The following PCLO variants were observed in gnomAD, a reference collection of about 807,000 sequenced individuals.
PCLO encodes protein piccolo.
PCLO carries 82 observed loss-of-function variants against 427.5 expected under a neutral mutation model. That is an observed-to-expected ratio of 0.19 (90% CI 0.16 to 0.23). The LOEUF is 0.23. Among genes scored for constraint, PCLO ranks in the 10% least tolerant of loss-of-function variants. The pLI is 1.00. For missense variants in PCLO, 6,239 were observed against 6,115.9 expected (o/e 1.02, Z -0.67); for synonymous variants, 2,357 against 2,155.4 (o/e 1.09, Z -2.59).
chr7:83,022,833 C>G (rs935897001), intron 3 of PCLO, among the ~76,000 whole-genome samples: 10 of 152,108 alleles, frequency 6.6e-5, no homozygotes, highest in Non-Finnish European at 1.3e-4. Context: ...AAAAAACTAT[C>G]TGAAAGCCTG....
intron 6 of PCLO, among the ~76,000 whole-genome samples, chr7:82,925,547 A>G (rs536538353): frequency 2.0e-5 from 3 of 152,060 alleles, no homozygotes; most frequent in Non-Finnish European, 4.4e-5. Context: ...TCACAGTTAA[A>G]TATAGAAATA....
chr7:83,076,282 T>A (rs1413246175), intron 3 of PCLO, among the ~76,000 whole-genome samples: 1 of 152,132 alleles, frequency 6.6e-6, no homozygotes, highest in Non-Finnish European at 1.5e-5. Flanking sequence ...ACTTCTTTTT[T>A]TTTTTGAGAT....
intron 22 of PCLO, among the ~76,000 whole-genome samples, chr7:82,791,843 T>TA (rs1429101704): frequency 1.3e-5 from 2 of 152,022 alleles, no homozygotes; most frequent in African/African-American, 2.4e-5. Context: ...TAATAAATTT[T>TA]AAAAAATTTT....
intron 6 of PCLO, among the ~76,000 whole-genome samples, chr7:82,939,540 A>G (rs1258788539): frequency 1.3e-5 from 2 of 151,490 alleles, no homozygotes; most frequent in African/African-American, 4.8e-5. Flanking sequence ...GTGTAGAAAT[A>G]TATGTATTTT....
At chr7:82,899,605 G>C (rs1463526656) in intron 9 of PCLO, among the ~76,000 whole-genome samples, 1 of 151,152 alleles carries the variant, frequency 6.6e-6, no homozygotes, top group African/African-American at 2.4e-5. Context: ...CAAGAAAAAG[G>C]GGCATTCAGA....
chr7:83,112,369 T>G (rs183522270), intron 3 of PCLO, among the ~76,000 whole-genome samples: 1 of 152,304 alleles, frequency 6.6e-6, no homozygotes, highest in Non-Finnish European at 1.5e-5. Context: ...TTGTATTTTT[T>G]TAAGAACGGG....
chr7:82,903,460 C>A (rs1163260364), intron 8 of PCLO, among the ~76,000 whole-genome samples: 1 of 151,952 alleles, frequency 6.6e-6, no homozygotes, highest in African/African-American at 2.4e-5. Context: ...GATTTCAATT[C>A]TCATTATTGA....
intron 6 of PCLO, among the ~76,000 whole-genome samples, chr7:82,922,195 T>TA (rs1176626111): frequency 4.6e-5 from 7 of 151,496 alleles, no homozygotes; most frequent in Admixed American, 2.0e-4. Context: ...TCAAAGAACT[T>TA]AAAAAAAACC....
At chr7:83,006,541 T>A (rs963104910) in intron 3 of PCLO, among the ~76,000 whole-genome samples, 5 of 151,512 alleles carry the variant, frequency 3.3e-5, no homozygotes, top group Admixed American at 1.3e-4. Context: ...AGCAAAACAA[T>A]AATTATTCCT....
chr7:83,100,918 T>C (rs1164092286), intron 3 of PCLO, among the ~76,000 whole-genome samples: 1 of 152,152 alleles, frequency 6.6e-6, no homozygotes, highest in East Asian at 1.9e-4. Flanking sequence ...CACATAAATT[T>C]TACTCATTCA....
intron 3 of PCLO, among the ~76,000 whole-genome samples, chr7:83,009,312 G>A (rs1788022661): frequency 6.6e-6 from 1 of 151,708 alleles, no homozygotes; most frequent in Non-Finnish European, 1.5e-5. Flanking sequence ...ATAATTATTT[G>A]GACAAATCAT....
chr7:82,790,417 G>A (rs1465731072), intron 22 of PCLO, among the ~76,000 whole-genome samples: 5 of 152,092 alleles, frequency 3.3e-5, no homozygotes, highest in Admixed American at 2.6e-4. Context: ...CCAATATCAC[G>A]TATTTTCTCA....
At chr7:83,079,675 A>T (rs1790045316) in intron 3 of PCLO, among the ~76,000 whole-genome samples, 1 of 152,134 alleles carries the variant, frequency 6.6e-6, no homozygotes, top group Non-Finnish European at 1.5e-5. Flanking sequence ...GCACACACCC[A>T]GATTAAATAA....
intron 21 of PCLO, among the ~76,000 whole-genome samples, chr7:82,802,859 C>A (rs1791385843): frequency 6.6e-6 from 1 of 152,064 alleles, no homozygotes; most frequent in Admixed American, 6.5e-5. Context: ...TGTTTCCGCA[C>A]ATAATAAAAG....
chr7:82,954,461 C>G lies in PCLO; in HGVS notation c.6492G>C (p.Leu2164Phe), dbSNP rs1795454396. ...QEIIAHESLI[L>F]TYSEPSESAT... ...CACTTTCTGAAGGCTCCGAGTAGGT[C>G]AAAATCAGCGATTCATGGGCAATTA... Residue 2164 changes from leucine (L) to phenylalanine (F), a missense_variant, in exon 5 of 25, where the codon TTG becomes TTC. Coordinates refer to ENST00000333891, the MANE Select transcript of PCLO (RefSeq NM_033026.6). 34 of 1,613,902 alleles carry G rather than the reference C, an allele frequency of 2.1e-5. No homozygotes were observed. Among genetic ancestry groups the G allele is most frequent in the Non-Finnish European group, 2.8e-5 (33 of 1,179,848 alleles).
rs570429455 is a variant in PCLO, at chr7:83,017,568, A to T, written c.3301-51081T>A. Reference sequence around the variant, plus strand: ...ACTCCAAAGAAATCAATGCAAAGAGATAAACCTAGATTTATTATTTTAAAT... The same window carrying T: ...ACTCCAAAGAAATCAATGCAAAGAGTTAAACCTAGATTTATTATTTTAAAT... On this transcript the variant is annotated intron_variant, in intron 3 of 24. Transcript: ENST00000333891. Among the ~76,000 whole-genome samples the T allele has an allele frequency of 2.6e-4, 40 of 152,148 alleles. No individual in the cohort carries two copies. The South Asian group carries it at 7.5e-3, about 28-fold the overall frequency.
chr7:82,786,856 T>TTG (rs1446845625), intron 22 of PCLO, among the ~76,000 whole-genome samples: 1 of 152,104 alleles, frequency 6.6e-6, no homozygotes, highest in African/African-American at 2.4e-5. Flanking sequence ...TTTTCTGTCC[T>TTG]TGTGTTAGTT....
rs142104129 is a variant in PCLO, at chr7:83,043,290, A to G, written c.3301-76803T>C. On this transcript the variant is annotated intron_variant, in intron 3 of 24. Transcript: ENST00000333891. Reference sequence around the variant, plus strand: ...GAAAAAACAAAAGAAAAAAAAGTGAATTTGATTGTCTGGCCTCTATTTCCT... The same window carrying G: ...GAAAAAACAAAAGAAAAAAAAGTGAGTTTGATTGTCTGGCCTCTATTTCCT... Among the ~76,000 whole-genome samples, 123 of 152,276 alleles carry G rather than the reference A, an allele frequency of 8.1e-4. 1 individual carries two copies. Among genetic ancestry groups the G allele is most frequent in the African/African-American group, 2.9e-3 (120 of 41,550 alleles).
chr7:82,994,796 C>A (rs1796458533), intron 3 of PCLO, among the ~76,000 whole-genome samples: 2 of 151,570 alleles, frequency 1.3e-5, no homozygotes, highest in African/African-American at 2.4e-5. Flanking sequence ...AGGTGAGAAA[C>A]TGAAGGTAGT....
Sources: gnomAD v4.1 joint callset for allele counts (sites outside exome capture counted in the v4.1 genomes callset) on GRCh38, gnomAD v4.1.1 for gene constraint, MANE v1.5 for transcripts, NCBI Gene and HGNC (gene_info 2026-07-23, HGNC 2026-07-21) for gene names.